Variants in TCF12 observed in about 807,000 individuals in gnomAD.
The protein encoded by TCF12 is transcription factor 12, also known as DNA-binding protein HTF4.
Under a neutral mutation model 86.0 loss-of-function variants are expected in TCF12, and 45 were observed. The ratio of observed to expected loss-of-function variants is 0.52; its 90% CI spans 0.41 to 0.67. TCF12 has a LOEUF of 0.67. TCF12 is among the 30% of genes least tolerant of loss of function. TCF12 has a pLI of 0.00. For missense variants in TCF12, 881 were observed against 859.9 expected (o/e 1.02, Z -0.31); for synonymous variants, 330 against 299.6 (o/e 1.10, Z -1.05).
chr15:57,195,319 A>G (rs6493904), intron 7 of TCF12, among the ~76,000 whole-genome samples: 7,901 of 152,326 alleles, frequency 0.052, 379 homozygotes, highest in African/African-American at 0.13. Context: ...ACCAAATACA[A>G]AAGAAAAATT....
At position 57,282,607 on chromosome 15, in the gene TCF12, G is replaced by A. The variant is rs368193060; in HGVS notation, c.*11+9G>A. ...ATGTAAACATCAGCCAGGTAAGTAC[G>A]GGTTTGAAAAGAAACAGCAAGGAAA... On this transcript the variant is annotated intron_variant, in intron 20 of 20. Coordinates refer to ENST00000333725, the MANE Select transcript of TCF12 (RefSeq NM_207037.2). The A allele has an allele frequency of 1.9e-5, 31 of 1,600,332 alleles. No homozygotes were observed. The highest frequency in any genetic ancestry group is 1.7e-4 in the Middle Eastern group (1 of 5,986).
chr15:57,134,378 A>T (rs2052368345), intron 5 of TCF12: 1 of 152,230 alleles, frequency 6.6e-6, no homozygotes, highest in Non-Finnish European at 1.5e-5. Context: ...ACAGAAATTG[A>T]TGCTGAGTTC....
chr15:57,025,602 C>A (rs897453394), intron 3 of TCF12, among the ~76,000 whole-genome samples: 2 of 152,114 alleles, frequency 1.3e-5, no homozygotes, highest in Non-Finnish European at 2.9e-5. Flanking sequence ...GAGAAGATTA[C>A]CACCTAAGAG....
At chr15:57,053,378 T>A (rs2067770791) in intron 3 of TCF12, among the ~76,000 whole-genome samples, 1 of 152,244 alleles carries the variant, frequency 6.6e-6, no homozygotes, top group South Asian at 2.1e-4. Flanking sequence ...TAACCCCTTA[T>A]CAAAGTTATG....
At chr15:56,940,281 C>A (rs2140341113) in intron 3 of TCF12, among the ~76,000 whole-genome samples, 1 of 152,036 alleles carries the variant, frequency 6.6e-6, no homozygotes, top group East Asian at 1.9e-4. Flanking sequence ...GTTCATTTTC[C>A]TGGTCAATTT....
chr15:57,133,765 G>A (rs1281820353), intron 5 of TCF12, among the ~76,000 whole-genome samples: 1 of 151,802 alleles, frequency 6.6e-6, no homozygotes. Context: ...CTTGCCTTTT[G>A]TAAAGGTAGT....
chr15:57,037,464 A>C (rs1471423312), intron 3 of TCF12, among the ~76,000 whole-genome samples: 2 of 152,178 alleles, frequency 1.3e-5, no homozygotes, highest in Non-Finnish European at 2.9e-5. Flanking sequence ...CAAACAAGGT[A>C]GTATAAGCTA....
chr15:57,055,317 G>A (rs752668629), intron 3 of TCF12, among the ~76,000 whole-genome samples: 4 of 152,124 alleles, frequency 2.6e-5, no homozygotes, highest in South Asian at 2.1e-4. Context: ...CAGGAGAATC[G>A]CTTGAACCTG....
intron 3 of TCF12, among the ~76,000 whole-genome samples, chr15:57,050,544 C>G (rs1174124804): frequency 1.3e-5 from 2 of 152,066 alleles, no homozygotes; most frequent in East Asian, 3.8e-4. Flanking sequence ...CTTTGTAGTT[C>G]TCTCCTACTT....
intron 12 of TCF12, among the ~76,000 whole-genome samples, chr15:57,235,063 C>T (rs181078585): frequency 6.6e-6 from 1 of 152,288 alleles, no homozygotes; most frequent in Admixed American, 6.5e-5. Flanking sequence ...TTTTTCTCTA[C>T]AGCTGAATAC....
At chr15:57,263,303 T>G in intron 18 of TCF12, 29 bp downstream of exon 18, 4 of 1,588,240 alleles carry the variant, frequency 2.5e-6, no homozygotes, top group South Asian at 1.2e-5. Context: ...GTTTTAAATT[T>G]TATTCATTTT....
intron 3 of TCF12, among the ~76,000 whole-genome samples, chr15:57,044,276 TACCAGCCGGGCACAGTGGG>T (rs2067083292): frequency 6.6e-6 from 1 of 152,218 alleles, no homozygotes; most frequent in East Asian, 1.9e-4. Flanking sequence ...TTTAAGAATT[TACCAGCCGGGCACAGTGGG>T]TCACACCTGT....
At chr15:57,239,123 C>T (rs1248860194) in intron 12 of TCF12, among the ~76,000 whole-genome samples, 3 of 152,112 alleles carry the variant, frequency 2.0e-5, no homozygotes, top group African/African-American at 7.2e-5. Context: ...GAGGCTGAGG[C>T]AGTGGGATCA....
At chr15:57,286,092 T>A (rs1302862274) in intron 20 of TCF12, 65 bp from the exon 21 acceptor site, 1 of 152,624 alleles carries the variant, frequency 6.6e-6, no homozygotes, top group African/African-American at 2.4e-5. Context: ...AGGGGGAAGG[T>A]GTTTTATTTT....
intron 16 of TCF12, among the ~76,000 whole-genome samples, chr15:57,254,143 T>C (rs2060240638): frequency 6.6e-6 from 1 of 152,230 alleles, no homozygotes; most frequent in Non-Finnish European, 1.5e-5. Context: ...TTTAAACTTA[T>C]ACCATGTGTT....
chr15:57,090,157 A>G (rs1166188871), intron 4 of TCF12, among the ~76,000 whole-genome samples: 1 of 152,140 alleles, frequency 6.6e-6, no homozygotes, highest in Non-Finnish European at 1.5e-5. Flanking sequence ...GGTTGAGGCT[A>G]GTCAGCAGTG....
At chr15:56,936,160 TATTATGGCC>T in intron 3 of TCF12, among the ~76,000 whole-genome samples, 1 of 152,192 alleles carries the variant, frequency 6.6e-6, no homozygotes, top group East Asian at 1.9e-4. Context: ...TTTATTTTTT[TATTATGGCC>T]ATTCTTGTGA....
rs561942684 is a variant in TCF12 at position 57,268,719 on chromosome 15, G to A, written c.1746-4311G>A. 4.4e-4 allele frequency among the ~76,000 whole-genome samples: 67 copies of A among 150,984 alleles called. 2 individuals carry two copies. The highest frequency in any genetic ancestry group is 3.4e-3 in the Admixed American group (52 of 15,142). ...CTGTTACAGAGCATCTCCCTCATAT[G>A]TTTTTTTTTCTGATTATGTAGTCTA... On this transcript the variant is annotated intron_variant, in intron 18 of 20. Transcript: ENST00000333725.
At chr15:56,967,285 A>G (rs1399505672) in intron 3 of TCF12, among the ~76,000 whole-genome samples, 1 of 151,986 alleles carries the variant, frequency 6.6e-6, no homozygotes, top group Non-Finnish European at 1.5e-5. Flanking sequence ...GGTGTGAAGT[A>G]ATTTTTCTGT....
Sources: allele counts gnomAD v4.1 joint callset (sites outside exome capture counted in the v4.1 genomes callset), GRCh38; gene constraint gnomAD v4.1.1; transcripts MANE v1.5; gene names NCBI Gene and HGNC (gene_info 2026-07-23, HGNC 2026-07-21).